TCERG1: variants seen among roughly 807,000 people sequenced by gnomAD.
TCERG1 encodes the protein TATA box binding protein (TBP)-associated factor, RNA polymerase II, S, 150kD.
In TCERG1, 37 loss-of-function variants were observed where a neutral mutation model predicts 144.7. The observed-to-expected ratio is 0.26, with a 90% confidence interval of 0.20 to 0.34. The LOEUF (loss-of-function observed/expected upper bound fraction) is 0.34. TCERG1 is among the 10% of genes least tolerant of loss of function. The pLI is 1.00. For synonymous variants in TCERG1, 492 were observed against 458.2 expected (o/e 1.07, Z -0.94); for missense variants, 1,027 against 1,380.7 (o/e 0.74, Z 4.06).
chr5:146,448,169 A>G (rs1438412485), intron 1 of TCERG1, among the ~76,000 whole-genome samples: 1 of 152,236 alleles, frequency 6.6e-6, no homozygotes, highest in Non-Finnish European at 1.5e-5. Context: ...GTGAGATAAC[A>G]GCCTCGTGGA....
chr5:146,508,625 C>A (rs1181986773), intron 21 of TCERG1, among the ~76,000 whole-genome samples: 6 of 152,106 alleles, frequency 3.9e-5, no homozygotes. Context: ...ATAATAAAGT[C>A]TTTTTTAAGT....
At chr5:146,506,856 G>A (rs1768047895) in intron 19 of TCERG1, among the ~76,000 whole-genome samples, 172 bp from the exon 20 acceptor site, 1 of 152,024 alleles carries the variant, frequency 6.6e-6, no homozygotes, top group African/African-American at 2.4e-5. Context: ...AGGCTGAGTG[G>A]TACTCCATTG....
At chr5:146,472,064 TC>T (rs925303243) in intron 9 of TCERG1, among the ~76,000 whole-genome samples, 1 of 152,240 alleles carries the variant, frequency 6.6e-6, no homozygotes, top group African/African-American at 2.4e-5. Flanking sequence ...ACAAGTGTCT[TC>T]CTAGTACTAC....
chr5:146,508,002 T>TA, intron 21 of TCERG1, 46 bp downstream of exon 21: 3 of 1,420,904 alleles, frequency 2.1e-6, no homozygotes, highest in Non-Finnish European at 2.9e-6. Context: ...TATAAATACT[T>TA]AAATCGGGGC....
At chr5:146,479,343 C>T (rs778618172) in intron 10 of TCERG1, among the ~76,000 whole-genome samples, 58 of 152,074 alleles carry the variant, frequency 3.8e-4, no homozygotes, top group Admixed American at 6.5e-4. Flanking sequence ...GTCATTGAGA[C>T]ATTTTCATGC....
chr5:146,505,749 T>C (rs1262859460), intron 19 of TCERG1: 1 of 152,296 alleles, frequency 6.6e-6, no homozygotes, highest in Non-Finnish European at 1.5e-5. Flanking sequence ...TTTGCAGTTA[T>C]TTGCTTACAT....
At chr5:146,509,278 C>A in intron 22 of TCERG1, 33 bp downstream of exon 22, 2 of 1,402,300 alleles carry the variant, frequency 1.4e-6, no homozygotes, top group Non-Finnish European at 2.0e-6. Context: ...TATTGGCAGT[C>A]ATTCTCTTTA....
Position 146,458,934 on chromosome 5 carries a change from T to C in TCERG1, c.489T>C (p.Asp163=). Reference sequence around the variant, plus strand: ...GTGAATCTGCATGGACCAAGCCAGATGGAGTTAAGGTTATTCAGCAATCAG... The same window carrying C: ...GTGAATCTGCATGGACCAAGCCAGACGGAGTTAAGGTTATTCAGCAATCAG... The part of the protein sequence containing the change: ...RTRESAWTKP[D]GVKVIQQSEL... The change falls in exon 4 of 23, where the codon GAT becomes GAC. Residue 163 remains aspartate, a synonymous_variant. Transcript: ENST00000679501. The C allele has an allele frequency of 1.2e-6, 2 of 1,614,236 alleles. No homozygotes were observed. The highest frequency in any genetic ancestry group is 2.7e-5 in the African/African-American group (2 of 75,062).
intron 1 of TCERG1, among the ~76,000 whole-genome samples, chr5:146,451,829 C>T (rs925829395): frequency 6.6e-6 from 1 of 150,506 alleles, no homozygotes; most frequent in Non-Finnish European, 1.5e-5. Context: ...GCTCTCTTGC[C>T]CAGGCTGGAA....
intron 7 of TCERG1, among the ~76,000 whole-genome samples, chr5:146,470,319 T>C (rs1764171742): frequency 6.6e-6 from 1 of 152,190 alleles, no homozygotes; most frequent in South Asian, 2.1e-4. Flanking sequence ...AACCCCCTTT[T>C]CTATTCCTAA....
At chr5:146,452,521 G>A (rs1762443367) in intron 1 of TCERG1, among the ~76,000 whole-genome samples, 1 of 152,166 alleles carries the variant, frequency 6.6e-6, no homozygotes, top group Non-Finnish European at 1.5e-5. Flanking sequence ...ATGTGCTAGG[G>A]ATACAAGAGT....
intron 1 of TCERG1, among the ~76,000 whole-genome samples, chr5:146,449,403 T>C (rs977903570): frequency 6.6e-6 from 1 of 152,218 alleles, no homozygotes; most frequent in African/African-American, 2.4e-5. Flanking sequence ...GCCATCTAAA[T>C]TGTAAATGAA....
intron 9 of TCERG1, among the ~76,000 whole-genome samples, chr5:146,477,692 C>CTTTTTTTTTTTT (rs1168989847): frequency 1.3e-5 from 1 of 79,388 alleles, no homozygotes; most frequent in African/African-American, 5.1e-5. Flanking sequence ...TGGTACTTTA[C>CTTTTTTTTTTTT]TTTTTTTTTT....
At chr5:146,510,377 G>A in intron 22 of TCERG1, 64 bp from the exon 23 acceptor site, 2 of 1,183,884 alleles carry the variant, frequency 1.7e-6, no homozygotes, top group South Asian at 1.4e-5. Flanking sequence ...GACATTTCCA[G>A]CTCATTTCTG....
chr5:146,493,228 C>G (rs746176223), intron 16 of TCERG1, among the ~76,000 whole-genome samples, 190 bp downstream of exon 16: 7 of 151,966 alleles, frequency 4.6e-5, no homozygotes, highest in Admixed American at 2.0e-4. Context: ...CCTAAGTGCT[C>G]TAAGAAGGGT....
At position 146,458,908 on chromosome 5, in the gene TCERG1, C is replaced by T. The variant is rs773988760; in HGVS notation, c.463C>T (p.Arg155Cys). The part of the protein sequence containing the change: ...GKVYYYNART[R>C]ESAWTKPDGV... ...GGTTTATTATTATAATGCTCGGACA[C>T]GTGAATCTGCATGGACCAAGCCAGA... Residue 155 changes from arginine (R) to cysteine (C), a missense_variant, in exon 4 of 23, where the codon CGT becomes TGT. Arg to Cys is a radical substitution (Grantham distance 180). Coordinates refer to ENST00000679501, the MANE Select transcript of TCERG1 (RefSeq NM_001382548.1). The T allele has an allele frequency of 2.5e-6, 4 of 1,611,756 alleles. No individual in the cohort carries two copies. The highest frequency in any genetic ancestry group is 1.1e-5 in the South Asian group (1 of 90,950).
chr5:146,490,665 A>T (rs1766314101), intron 15 of TCERG1, among the ~76,000 whole-genome samples: 1 of 152,130 alleles, frequency 6.6e-6, no homozygotes, highest in Admixed American at 6.5e-5. Context: ...TACTTGGCTG[A>T]CCTTTTCAGT....
At chr5:146,448,042 CCTTTA>C (rs1762046791) in intron 1 of TCERG1, among the ~76,000 whole-genome samples, 2 of 152,156 alleles carry the variant, frequency 1.3e-5, no homozygotes, top group South Asian at 2.1e-4. Context: ...GCCAGTAAAC[CCTTTA>C]CTTAGGTTTG....
intron 1 of TCERG1, among the ~76,000 whole-genome samples, chr5:146,452,007 C>G (rs1029368885): frequency 6.6e-6 from 1 of 151,674 alleles, no homozygotes; most frequent in African/African-American, 2.4e-5. Context: ...AGGCTGGTCT[C>G]GAACTCCTGG....
Sources: allele counts gnomAD v4.1 joint callset (sites outside exome capture counted in the v4.1 genomes callset), GRCh38; gene constraint gnomAD v4.1.1; transcripts MANE v1.5; gene names NCBI Gene and HGNC (gene_info 2026-07-23, HGNC 2026-07-21).